The following TMEM50B variants were observed in gnomAD, a reference collection of about 807,000 sequenced individuals.
TMEM50B encodes the protein transmembrane protein 50B.
A neutral mutation model predicts 23.4 loss-of-function variants in TMEM50B; 14 were observed. The ratio of observed to expected loss-of-function variants is 0.60; its 90% confidence interval spans 0.39 to 0.93. The LOEUF is 0.93. Ranked by LOEUF, TMEM50B falls within the 40% of genes least tolerant of loss-of-function variation. TMEM50B has a pLI of 0.00. For synonymous variants in TMEM50B, 64 were observed against 62.3 expected, an observed-to-expected ratio of 1.03 and a Z score of -0.13; for missense variants, 159 against 193.0, an observed-to-expected ratio of 0.82 and a Z score of 1.04.
intron 1 of TMEM50B, among the ~76,000 whole-genome samples, chr21:33,470,647 G>A (rs973486807): frequency 1.3e-5 from 2 of 152,072 alleles, no homozygotes; most frequent in African/African-American, 2.4e-5. Context: ...TGAGGCAGGA[G>A]AATGGCATGA....
chr21:33,444,761 TG>T (rs2084037759), downstream of TMEM50B, among the ~76,000 whole-genome samples: 1 of 127,592 alleles, frequency 7.8e-6, no homozygotes, highest in Non-Finnish European at 1.5e-5. Flanking sequence ...TGAAAGCCAC[TG>T]TACTCCAGCC....
intron 8 of TMEM50B, chr21:33,432,971 C>T (rs2083905257): frequency 2.0e-6 from 2 of 1,007,460 alleles, no homozygotes; most frequent in Admixed American, 2.0e-5. Context: ...CTGCAGCCTC[C>T]ATCTCCCAGG....
downstream of TMEM50B, among the ~76,000 whole-genome samples, chr21:33,447,849 C>T (rs564789593): frequency 6.6e-6 from 1 of 152,258 alleles, no homozygotes; most frequent in South Asian, 2.1e-4. Flanking sequence ...AAAAAACACT[C>T]AGATTCAATG....
intron 1 of TMEM50B, among the ~76,000 whole-genome samples, chr21:33,471,110 T>A (rs1402284414): frequency 6.6e-6 from 1 of 152,014 alleles, no homozygotes; most frequent in Non-Finnish European, 1.5e-5. Context: ...AAGGAGTAAG[T>A]CACAAAGAGA....
At chr21:33,453,826 G>C (rs763162250) in intron 6 of TMEM50B, among the ~76,000 whole-genome samples, 3 of 152,064 alleles carry the variant, frequency 2.0e-5, no homozygotes, top group South Asian at 2.1e-4. Context: ...ATTCTAGGCT[G>C]GGCATGGTGG....
At chr21:33,454,980 G>A (rs1486302026) in intron 6 of TMEM50B, among the ~76,000 whole-genome samples, 1 of 152,068 alleles carries the variant, frequency 6.6e-6, no homozygotes. Flanking sequence ...AGCTGGGTGT[G>A]GTGGTGTGCA....
intron 1 of TMEM50B, among the ~76,000 whole-genome samples, chr21:33,469,248 G>A (rs943416565): frequency 4.6e-5 from 7 of 152,036 alleles, no homozygotes; most frequent in Non-Finnish European, 7.4e-5. Flanking sequence ...CCAGGAGTTC[G>A]AGACCAGCCT....
At chr21:33,467,877 A>G (rs1182511615) in intron 2 of TMEM50B, among the ~76,000 whole-genome samples, 3 of 152,194 alleles carry the variant, frequency 2.0e-5, no homozygotes, top group African/African-American at 7.2e-5. Context: ...ACAGATAAAG[A>G]AATTTGCTTC....
At chr21:33,475,939 G>A (rs1286207356) in intron 1 of TMEM50B, among the ~76,000 whole-genome samples, 3 of 151,002 alleles carry the variant, frequency 2.0e-5, no homozygotes, top group East Asian at 2.0e-4. Flanking sequence ...GGGCAGCAGA[G>A]CCCCCTCTAA....
At chr21:33,457,367 T>A (rs987983449) in intron 5 of TMEM50B, among the ~76,000 whole-genome samples, 5 of 151,418 alleles carry the variant, frequency 3.3e-5, no homozygotes, top group African/African-American at 9.7e-5. Context: ...AAGATACAAT[T>A]GGCTGGGAGC....
chr21:33,466,196 G>C (rs2084262838), intron 3 of TMEM50B, among the ~76,000 whole-genome samples: 1 of 152,140 alleles, frequency 6.6e-6, no homozygotes, highest in African/African-American at 2.4e-5. Flanking sequence ...GGGAGGCAGA[G>C]GTTGCAGTGA....
At chr21:33,433,330 G>T (rs1229737317) in intron 8 of TMEM50B, among the ~76,000 whole-genome samples, 2 of 152,204 alleles carry the variant, frequency 1.3e-5, no homozygotes, top group African/African-American at 2.4e-5. Context: ...ATGTTGACAC[G>T]ATTCACAACA....
chr21:33,447,699 C>CAG (rs2084076233), downstream of TMEM50B, among the ~76,000 whole-genome samples: 3 of 108,060 alleles, frequency 2.8e-5, no homozygotes, highest in African/African-American at 1.1e-4. Context: ...CACACACACA[C>CAG]ACACACACAC....
chr21:33,472,286 G>T (rs1439037425), intron 1 of TMEM50B, among the ~76,000 whole-genome samples: 1 of 151,534 alleles, frequency 6.6e-6, no homozygotes, highest in East Asian at 2.0e-4. Context: ...AGGAGGCTAA[G>T]GCAGTAGAAT....
At chr21:33,446,655 C>CAAAAAAAAA (rs869154931), downstream of TMEM50B, among the ~76,000 whole-genome samples, 2 of 19,192 alleles carry the variant, frequency 1.0e-4, no homozygotes, top group Non-Finnish European at 1.7e-4. Context: ...CACACACACA[C>CAAAAAAAAA]AAAAAAAAAA....
At chr21:33,478,059 C>T (rs1253574716) in intron 1 of TMEM50B, among the ~76,000 whole-genome samples, 1 of 150,952 alleles carries the variant, frequency 6.6e-6, no homozygotes, top group Non-Finnish European at 1.5e-5. Context: ...GGCGTGAACC[C>T]AGGACGTGGA....
chr21:33,451,105 T>A (rs2084115840), intron 6 of TMEM50B, among the ~76,000 whole-genome samples: 2 of 152,164 alleles, frequency 1.3e-5, no homozygotes, highest in African/African-American at 4.8e-5. Flanking sequence ...AGGCAACTTG[T>A]AAGGAAAAGA....
chr21:33,464,234 G>A (rs1349946286), intron 4 of TMEM50B, among the ~76,000 whole-genome samples: 2 of 137,566 alleles, frequency 1.5e-5, no homozygotes, highest in African/African-American at 5.3e-5. Context: ...TTTCACTCTT[G>A]TTGCCCAGGC....
chr21:33,436,996 G>C, intron 8 of TMEM50B: 2 of 1,612,490 alleles, frequency 1.2e-6, no homozygotes, highest in Non-Finnish European at 1.7e-6. Flanking sequence ...TGGCTCCCTG[G>C]AAGAGATCAA....
Sources: allele counts gnomAD v4.1 joint callset (sites outside exome capture counted in the v4.1 genomes callset), GRCh38; gene constraint gnomAD v4.1.1; transcripts MANE v1.5; gene names NCBI Gene and HGNC (gene_info 2026-07-23, HGNC 2026-07-21).